The following UQCC6 variants were observed in gnomAD, a reference collection of about 807,000 sequenced individuals.
UQCC6 encodes ubiquinol-cytochrome c reductase complex assembly factor 6.
At chr12:103,958,682 A>G in the UQCC6 span, among the ~76,000 whole-genome samples, 10 of 152,208 alleles carry the variant, frequency 6.6e-5, no homozygotes, top group African/African-American at 1.7e-4. Flanking sequence ...TGGTTTATCT[A>G]TTCACTTATT....
chr12:103,964,661 C>T, the UQCC6 span, among the ~76,000 whole-genome samples: 1 of 152,180 alleles, frequency 6.6e-6, no homozygotes, highest in East Asian at 1.9e-4. Flanking sequence ...TTTCTGGATG[C>T]CCTGAAATAA....
the UQCC6 span, chr12:103,951,726 A>T: frequency 1.5e-6 from 1 of 659,504 alleles, no homozygotes; most frequent in Non-Finnish European, 2.6e-6. Flanking sequence ...AAAAAATAAC[A>T]AAAAGTTCCC....
the UQCC6 span, among the ~76,000 whole-genome samples, chr12:103,954,287 T>G: frequency 6.6e-5 from 10 of 150,702 alleles, no homozygotes; most frequent in Non-Finnish European, 1.3e-4. Context: ...ACAGGTGTAT[T>G]TGTCCATTTT....
chr12:103,951,575 A>C, the UQCC6 span: 2 of 1,550,032 alleles, frequency 1.3e-6, no homozygotes, highest in Non-Finnish European at 1.7e-6. Flanking sequence ...TCTTTCTTTC[A>C]GTCCCAAAAG....
the UQCC6 span, chr12:103,955,825 C>T: frequency 2.2e-6 from 1 of 455,784 alleles, no homozygotes; most frequent in Admixed American, 2.4e-5. Context: ...TTCTCATCTC[C>T]ACCTCCCCAA....
the UQCC6 span, among the ~76,000 whole-genome samples, chr12:103,953,062 C>G: frequency 2.8e-4 from 43 of 152,276 alleles, no homozygotes; most frequent in African/African-American, 9.6e-4. Flanking sequence ...TGGGAAGACA[C>G]TGGAGAGTTC....
the UQCC6 span, among the ~76,000 whole-genome samples, chr12:103,963,289 C>T: frequency 1.3e-5 from 2 of 152,028 alleles, no homozygotes; most frequent in African/African-American, 2.4e-5. Context: ...CTGGCCAGGC[C>T]GTTCTCGAAC....
At chr12:103,964,111 C>G in the UQCC6 span, among the ~76,000 whole-genome samples, 2 of 139,982 alleles carry the variant, frequency 1.4e-5, no homozygotes, top group Non-Finnish European at 3.0e-5. Context: ...AGTGTCCTCA[C>G]CGACAACTCC....
the UQCC6 span, among the ~76,000 whole-genome samples, chr12:103,964,845 C>T: frequency 6.6e-6 from 1 of 152,264 alleles, no homozygotes; most frequent in East Asian, 1.9e-4. Context: ...AAGTTCTGTA[C>T]TGTTTTAAAC....
chr12:103,953,887 A>C, the UQCC6 span, among the ~76,000 whole-genome samples: 1 of 152,230 alleles, frequency 6.6e-6, no homozygotes, highest in East Asian at 1.9e-4. Flanking sequence ...CTTCTTTTGC[A>C]AGGCCTGCCT....
the UQCC6 span, among the ~76,000 whole-genome samples, chr12:103,958,676 TTATC>T: frequency 6.6e-6 from 1 of 152,214 alleles, no homozygotes; most frequent in South Asian, 2.1e-4. Flanking sequence ...TACAATTGGT[TTATC>T]TATTCACTTA....
At chr12:103,960,512 C>T in the UQCC6 span, among the ~76,000 whole-genome samples, 34,393 of 151,936 alleles carry the variant, frequency 0.23, 4,087 homozygotes, top group East Asian at 0.31. Flanking sequence ...GGTAATGGTT[C>T]CTCATTTTGG....
At chr12:103,963,280 T>G in the UQCC6 span, among the ~76,000 whole-genome samples, 1 of 152,166 alleles carries the variant, frequency 6.6e-6, no homozygotes, top group African/African-American at 2.4e-5. Flanking sequence ...TTCACCATGC[T>G]GGCCAGGCCG....
At chr12:103,951,379 A>G in the UQCC6 span, 1 of 511,352 alleles carries the variant, frequency 2.0e-6, no homozygotes, top group South Asian at 3.2e-5. Context: ...CCGTAATTAA[A>G]TTTCAACGTA....
chr12:103,953,304 A>ATG, the UQCC6 span: 1 of 699,298 alleles, frequency 1.4e-6, no homozygotes, highest in South Asian at 1.5e-5. Flanking sequence ...ATCTGCTCAT[A>ATG]TGTACAGTAT....
At chr12:103,953,474 T>A in the UQCC6 span, 1 of 702,366 alleles carries the variant, frequency 1.4e-6, no homozygotes, top group South Asian at 1.5e-5. Flanking sequence ...CATGGTCTCC[T>A]CTGCTCGACT....
At chr12:103,959,277 T>C in the UQCC6 span, among the ~76,000 whole-genome samples, 4 of 152,222 alleles carry the variant, frequency 2.6e-5, no homozygotes, top group African/African-American at 9.6e-5. Flanking sequence ...CATCGGTTGA[T>C]AGATATAAAG....
chr12:103,951,191 G>T, the UQCC6 span: 1 of 175,700 alleles, frequency 5.7e-6, no homozygotes, highest in Non-Finnish European at 1.2e-5. Flanking sequence ...TTCAATTAAT[G>T]AAACTAGTTC....
the UQCC6 span, among the ~76,000 whole-genome samples, chr12:103,960,353 C>G: frequency 7.9e-5 from 12 of 152,316 alleles, no homozygotes; most frequent in Admixed American, 7.2e-4. Flanking sequence ...AGATTACAGG[C>G]ATGAGCCACC....
Sources: allele counts gnomAD v4.1 joint callset (sites outside exome capture counted in the v4.1 genomes callset), GRCh38; gene constraint gnomAD v4.1.1; transcripts MANE v1.5; gene names NCBI Gene and HGNC (gene_info 2026-07-23, HGNC 2026-07-21).